The following TENM2 variants were observed in gnomAD, a reference collection of about 807,000 sequenced individuals.
The protein encoded by TENM2 is teneurin transmembrane protein 2.
In TENM2, 52 loss-of-function variants were observed where a neutral mutation model predicts 245.2. That is an observed-to-expected ratio of 0.21 (90% CI 0.17 to 0.27). TENM2 has a LOEUF of 0.27. TENM2 is among the 10% of genes least tolerant of loss of function. TENM2 has a pLI of 1.00. For missense variants in TENM2, 3,046 were observed against 3,666.8 expected (o/e 0.83, Z 4.37); for synonymous variants, 1,363 against 1,438.9 (o/e 0.95, Z 1.19).
intron 24 of TENM2, among the ~76,000 whole-genome samples, chr5:168,226,875 T>TTAAGA (rs1315516743): frequency 6.6e-6 from 1 of 152,192 alleles, no homozygotes. Flanking sequence ...TTTCTTTTAA[T>TTAAGA]TAAGATATAA....
intron 2 of TENM2, among the ~76,000 whole-genome samples, chr5:167,842,622 C>T (rs1239887911): frequency 2.0e-5 from 3 of 148,434 alleles, no homozygotes; most frequent in Non-Finnish European, 3.0e-5. Context: ...ACCCTTTTAT[C>T]CCCCAGTTCC....
intron 4 of TENM2, among the ~76,000 whole-genome samples, chr5:167,964,699 T>C (rs980885406): frequency 6.6e-6 from 1 of 151,280 alleles, no homozygotes; most frequent in Non-Finnish European, 1.5e-5. Context: ...TAAGGATGAG[T>C]AGGGGTTAAT....
At chr5:167,154,778 T>TA in the TENM2 span, among the ~76,000 whole-genome samples, 1 of 152,192 alleles carries the variant, frequency 6.6e-6, no homozygotes, top group African/African-American at 2.4e-5. Context: ...TTCCTGAATT[T>TA]AAAAAATGGG....
intron 2 of TENM2, among the ~76,000 whole-genome samples, chr5:167,413,094 A>G (rs987499117): frequency 1.3e-5 from 2 of 151,996 alleles, no homozygotes; most frequent in African/African-American, 4.8e-5. Flanking sequence ...ATTTCGCACT[A>G]TTTTTGGCAT....
intron 4 of TENM2, among the ~76,000 whole-genome samples, chr5:167,956,647 T>A (rs540285142): frequency 6.6e-6 from 1 of 152,332 alleles, no homozygotes; most frequent in Admixed American, 6.5e-5. Context: ...ATATGTTTCA[T>A]CAATACCTAG....
intron 2 of TENM2, among the ~76,000 whole-genome samples, chr5:167,457,040 C>A (rs563970667): frequency 2.0e-5 from 3 of 152,260 alleles, no homozygotes; most frequent in South Asian, 4.1e-4. Context: ...GCCTTTCTTA[C>A]CTTAGACAAA....
At chr5:167,560,362 C>G (rs1035845004) in intron 2 of TENM2, among the ~76,000 whole-genome samples, 1 of 109,608 alleles carries the variant, frequency 9.1e-6, no homozygotes, top group Admixed American at 1.1e-4. Context: ...GCAAGCATCG[C>G]CTTATTTTTT....
At chr5:167,418,597 A>G (rs551248057) in intron 2 of TENM2, among the ~76,000 whole-genome samples, 2 of 152,356 alleles carry the variant, frequency 1.3e-5, no homozygotes, top group African/African-American at 4.8e-5. Context: ...ACAGGACATG[A>G]ACAATAAAGA....
Position 168,148,925 on chromosome 5 carries a change from A to AGATAGATT in TENM2, c.2423-13681_2423-13680insATTGATAG, listed in dbSNP as rs150576329. On this transcript the variant is annotated intron_variant, in intron 12 of 28. Coordinates refer to ENST00000518659, the Ensembl canonical transcript of TENM2. ...TAGATAGATAGATAGATAGATTGAT[A>AGATAGATT]GATAGCACAAGCTTTTTAAGCATGT... is the stretch of plus-strand genomic sequence containing the variant. Among the ~76,000 whole-genome samples the AGATAGATT allele has an allele frequency of 3.9e-3, 448 of 115,014 alleles. 22 individuals are homozygous for AGATAGATT. The highest frequency in any genetic ancestry group is 4.7e-3 in the Non-Finnish European group (258 of 54,368). 75.5% of individuals were successfully genotyped at this position (115,014 alleles called of 152,430 possible).
chr5:167,037,483 A>G, the TENM2 span, among the ~76,000 whole-genome samples: 1 of 152,210 alleles, frequency 6.6e-6, no homozygotes, highest in Non-Finnish European at 1.5e-5. Context: ...GTTCAAATAT[A>G]TCCAAAAATA....
chr5:168,073,111 AT>A (rs1199890133), intron 7 of TENM2, among the ~76,000 whole-genome samples: 1 of 152,036 alleles, frequency 6.6e-6, no homozygotes, highest in Non-Finnish European at 1.5e-5. Context: ...GGGATGGGAG[AT>A]TTGGAATAAC....
chr5:167,427,801 GAAGGACGGA>G (rs1763954296), intron 2 of TENM2, among the ~76,000 whole-genome samples: 1 of 107,916 alleles, frequency 9.3e-6, no homozygotes, highest in African/African-American at 3.9e-5. Context: ...GGGAAGGAAG[GAAGGACGGA>G]AAGGAAGGGA....
chr5:167,803,635 G>A (rs564953569), intron 2 of TENM2, among the ~76,000 whole-genome samples: 1 of 151,964 alleles, frequency 6.6e-6, no homozygotes, highest in African/African-American at 2.4e-5. Context: ...CAGAACAGAG[G>A]CATAAATACT....
At chr5:167,768,115 G>A (rs566246393) in intron 2 of TENM2, among the ~76,000 whole-genome samples, 16 of 152,154 alleles carry the variant, frequency 1.1e-4, no homozygotes, top group South Asian at 1.0e-3. Context: ...AACTACTCCC[G>A]TTCCCCTGTG....
chr5:168,066,036 C>T (rs1790474560), intron 7 of TENM2, among the ~76,000 whole-genome samples: 1 of 152,170 alleles, frequency 6.6e-6, no homozygotes, highest in South Asian at 2.1e-4. Context: ...GCTAAACACC[C>T]TGCAGTGCAC....
At chr5:168,143,592 G>C (rs1374499887) in intron 12 of TENM2, among the ~76,000 whole-genome samples, 2 of 152,112 alleles carry the variant, frequency 1.3e-5, no homozygotes, top group Non-Finnish European at 2.9e-5. Context: ...CCAGTGGTAA[G>C]ATGAAAATAA....
intron 2 of TENM2, among the ~76,000 whole-genome samples, chr5:167,771,629 G>A (rs1025308462): frequency 2.6e-5 from 4 of 152,124 alleles, no homozygotes; most frequent in Non-Finnish European, 5.9e-5. Flanking sequence ...CAATTCATAG[G>A]CAACAGTCTC....
the TENM2 span, among the ~76,000 whole-genome samples, chr5:167,070,499 T>A: frequency 6.6e-6 from 1 of 151,928 alleles, no homozygotes; most frequent in Non-Finnish European, 1.5e-5. Flanking sequence ...AAGTAGTGGA[T>A]TTTTATGTGA....
In TENM2 at chr5:168,244,914, C is replaced by T. The variant is rs1314951291; in HGVS notation, c.5817+198C>T. 6.6e-6 allele frequency among the ~76,000 whole-genome samples: 1 copy of T among 151,970 alleles called. No homozygotes were observed. The highest frequency in any genetic ancestry group is 2.4e-5 in the African/African-American group (1 of 41,348). On this transcript the variant is annotated intron_variant, in intron 26 of 28. Coordinates refer to ENST00000518659, the Ensembl canonical transcript of TENM2. This position sits in a 1 kb window ranked among gnomAD's most constrained non-coding sequence, Gnocchi z 4.9. ...CCTCCTGGGTAGCTGTGACTACAGG[C>T]ACATGTCACCACGCCCGGCTAATTT...
Sources: allele counts gnomAD v4.1 joint callset (sites outside exome capture counted in the v4.1 genomes callset), GRCh38; gene constraint gnomAD v4.1.1; non-coding constraint Gnocchi (gnomAD v3.1); transcripts MANE v1.5; gene names NCBI Gene and HGNC (gene_info 2026-07-23, HGNC 2026-07-21).